The following PFDN2 variants were observed in gnomAD, a reference collection of about 807,000 sequenced individuals.
PFDN2 encodes prefoldin 2.
A neutral mutation model predicts 18.3 loss-of-function variants in PFDN2; 7 were observed. That is an observed-to-expected ratio of 0.38 (90% CI 0.22 to 0.72). The LOEUF is 0.72. Among genes scored for constraint, PFDN2 ranks in the 30% least tolerant of loss-of-function variants. The pLI, the probability that PFDN2 is intolerant of heterozygous loss-of-function variation, is 0.47. For missense variants in PFDN2, 181 were observed against 199.1 expected (o/e 0.91, Z 0.55); for synonymous variants, 76 against 75.0 (o/e 1.01, Z -0.07).
At chr1:161,109,628 C>G (rs1020817699) in intron 1 of PFDN2, among the ~76,000 whole-genome samples, 1 of 152,150 alleles carries the variant, frequency 6.6e-6, no homozygotes, top group Non-Finnish European at 1.5e-5. Flanking sequence ...ACAAAAAAGA[C>G]GGTAAGACCT....
At chr1:161,111,334 A>T (rs1342446475) in intron 1 of PFDN2, among the ~76,000 whole-genome samples, 1 of 152,174 alleles carries the variant, frequency 6.6e-6, no homozygotes, top group Non-Finnish European at 1.5e-5. Context: ...GAGTCACTTA[A>T]CTTTCCTTGT....
At chr1:161,107,369 G>A (rs1338460634) in intron 1 of PFDN2, among the ~76,000 whole-genome samples, 1 of 144,408 alleles carries the variant, frequency 6.9e-6, no homozygotes, top group Non-Finnish European at 1.5e-5. Flanking sequence ...AGGTTGCAGT[G>A]AGCCGAGATC....
intron 1 of PFDN2, among the ~76,000 whole-genome samples, chr1:161,109,398 G>A (rs910101481): frequency 1.3e-5 from 2 of 152,148 alleles, no homozygotes; most frequent in African/African-American, 4.8e-5. Flanking sequence ...TAAATAATTT[G>A]ACAAAATCTT....
intron 1 of PFDN2, among the ~76,000 whole-genome samples, chr1:161,108,541 G>A (rs1367771933): frequency 1.3e-5 from 2 of 151,120 alleles, no homozygotes; most frequent in African/African-American, 4.9e-5. Flanking sequence ...CTCCAGCCTG[G>A]GCAATAGAGT....
At chr1:161,116,313 C>G (rs779492615) in intron 1 of PFDN2, among the ~76,000 whole-genome samples, 1 of 152,072 alleles carries the variant, frequency 6.6e-6, no homozygotes, top group Admixed American at 6.5e-5. Flanking sequence ...GTCAGGAGTT[C>G]GAGACCAGCT....
intron 1 of PFDN2, among the ~76,000 whole-genome samples, chr1:161,116,308 G>C (rs1654918029): frequency 6.6e-6 from 1 of 152,156 alleles, no homozygotes; most frequent in African/African-American, 2.4e-5. Context: ...TTGAGGTCAG[G>C]AGTTCGAGAC....
chr1:161,100,674 C>G lies in PFDN2; in HGVS notation c.*9G>C. ...GTCAGGGTAGAAAAAAATGCAAAGG[C>G]CTTGGTCCCTAGGAGACCAACACTC... is the stretch of plus-strand genomic sequence containing the variant. On this transcript the variant is annotated 3_prime_UTR_variant, in exon 4 of 4. Coordinates refer to ENST00000368010, the MANE Select transcript of PFDN2 (RefSeq NM_012394.4). 6.4e-7 allele frequency: 1 copy of G among 1,572,372 alleles called. No individual in the cohort carries two copies. Among genetic ancestry groups the G allele is most frequent in the Non-Finnish European group, 8.6e-7 (1 of 1,158,278 alleles).
At chr1:161,114,012 T>C (rs1259954461) in intron 1 of PFDN2, among the ~76,000 whole-genome samples, 1 of 152,224 alleles carries the variant, frequency 6.6e-6, no homozygotes, top group East Asian at 1.9e-4. Flanking sequence ...GGGGTTCTCT[T>C]TAGCTCCCCT....
rs143478948 is a variant in PFDN2 at position 161,102,265 on chromosome 1, T to A, written c.164+22A>T. The A allele has an allele frequency of 7.9e-5, 127 of 1,613,114 alleles. No homozygotes were observed. The African/African-American group carries it at 1.4e-3, about 17-fold the overall frequency. On this transcript the variant is annotated intron_variant, in intron 2 of 3. Transcript: ENST00000368010. ...TAGCCCACACAACTGTCCTACTGTT[T>A]GCCTCTCCCTGACTTTCTCACCTGT... is the stretch of plus-strand genomic sequence containing the variant.
chr1:161,102,436 G>C (rs1654587243), intron 1 of PFDN2, 61 bp from the exon 2 acceptor site: 2 of 1,299,380 alleles, frequency 1.5e-6, no homozygotes, highest in Non-Finnish European at 2.2e-6. Context: ...GGTCCAGATA[G>C]CACATAGGGT....
chr1:161,117,630 A>G (rs1256815614), intron 1 of PFDN2, among the ~76,000 whole-genome samples: 1 of 152,206 alleles, frequency 6.6e-6, no homozygotes, highest in Admixed American at 6.5e-5. Context: ...TTGCCCAGCC[A>G]TAACCTGTTT....
At chr1:161,114,644 T>C (rs1654870153) in intron 1 of PFDN2, among the ~76,000 whole-genome samples, 1 of 152,202 alleles carries the variant, frequency 6.6e-6, no homozygotes, top group African/African-American at 2.4e-5. Flanking sequence ...CCTAATACTC[T>C]AAATTCAGTG....
intron 3 of PFDN2, among the ~76,000 whole-genome samples, chr1:161,101,220 G>A (rs1305289594): frequency 6.7e-6 from 1 of 150,148 alleles, no homozygotes; most frequent in Non-Finnish European, 1.5e-5. Flanking sequence ...TTTTTTTTGA[G>A]TTGCAGCATC....
At chr1:161,111,172 G>A (rs558737032) in intron 1 of PFDN2, among the ~76,000 whole-genome samples, 2 of 151,236 alleles carry the variant, frequency 1.3e-5, no homozygotes, top group African/African-American at 2.4e-5. Flanking sequence ...TGCCCAGGCT[G>A]GTTTCAAACT....
intron 1 of PFDN2, among the ~76,000 whole-genome samples, chr1:161,117,006 G>A (rs1368758604): frequency 1.3e-5 from 2 of 152,324 alleles, no homozygotes; most frequent in African/African-American, 2.4e-5. Flanking sequence ...AGGCCGAGGC[G>A]TGCGGATCAT....
At chr1:161,103,063 T>C (rs1025450633) in intron 1 of PFDN2, among the ~76,000 whole-genome samples, 2 of 152,162 alleles carry the variant, frequency 1.3e-5, no homozygotes, top group Non-Finnish European at 2.9e-5. Context: ...GAGTAACTTT[T>C]GTTTGGGTCT....
chr1:161,113,715 G>A (rs1476445952), intron 1 of PFDN2, among the ~76,000 whole-genome samples: 1 of 152,174 alleles, frequency 6.6e-6, no homozygotes, highest in Non-Finnish European at 1.5e-5. Flanking sequence ...TTGGGAGGTT[G>A]AGGCTGCAGT....
intron 1 of PFDN2, among the ~76,000 whole-genome samples, chr1:161,107,634 G>A (rs1191787874): frequency 6.6e-6 from 1 of 151,254 alleles, no homozygotes; most frequent in Non-Finnish European, 1.5e-5. Flanking sequence ...GGCCAACATG[G>A]TGAAACCCCA....
chr1:161,111,811 AT>A (rs1235814925), intron 1 of PFDN2, among the ~76,000 whole-genome samples: 5 of 152,166 alleles, frequency 3.3e-5, no homozygotes, highest in African/African-American at 1.2e-4. Flanking sequence ...TACCTACATT[AT>A]TTTTGAAATT....
Sources: gnomAD v4.1 joint callset for allele counts (sites outside exome capture counted in the v4.1 genomes callset) on GRCh38, gnomAD v4.1.1 for gene constraint, MANE v1.5 for transcripts, NCBI Gene and HGNC (gene_info 2026-07-23, HGNC 2026-07-21) for gene names.